ISG20: variants seen among roughly 807,000 people sequenced by gnomAD.
ISG20 encodes interferon stimulated exonuclease gene 20.
Under a neutral mutation model 11.1 loss-of-function variants are expected in ISG20, and 8 were observed. That is an observed-to-expected ratio of 0.72 (90% confidence interval 0.42 to 1.30). The LOEUF (loss-of-function observed/expected upper bound fraction) is 1.30, where lower values mean the gene tolerates loss of function less well. Among genes scored for constraint, ISG20 ranks in the 50% most tolerant of loss-of-function variants. The pLI is 0.01. For synonymous variants in ISG20, 110 were observed against 101.7 expected (o/e 1.08, Z -0.49); for missense variants, 243 against 250.2 (o/e 0.97, Z 0.19).
intron 2 of ISG20, among the ~76,000 whole-genome samples, chr15:88,640,770 C>A (rs1395514737): frequency 6.6e-6 from 1 of 151,792 alleles, no homozygotes; most frequent in Non-Finnish European, 1.5e-5. Flanking sequence ...TCAAGACCAT[C>A]CTGGGCAACA....
rs1393271103 is a variant in ISG20 at position 88,650,119 on chromosome 15, C to T, written c.229-1991C>T. 1.9e-5 allele frequency: 16 copies of T among 822,082 alleles called. No individual in the cohort carries two copies. Among genetic ancestry groups the T allele is most frequent in the African/African-American group, 5.0e-5 (3 of 59,580 alleles). The allele number at this position is 822,082 out of a possible 1,614,324, so 50.9% of individuals were successfully genotyped here. A position where few individuals can be genotyped will look rare whatever the true frequency, so the allele number is the denominator to read the frequency against. On this transcript the variant is annotated intron_variant, in intron 2 of 3. Transcript: ENST00000306072. The surrounding 1 kb of genome is among the most constrained non-coding windows in gnomAD (Gnocchi z 4.0). ...TCTTTCCTGGTGTACAGGCTAAGGT[C>T]GTGGGCTACATGCAGAGAAGGAGAC...
At chr15:88,649,150 C>G (rs2058229388) in intron 2 of ISG20, 1 of 152,306 alleles carries the variant, frequency 6.6e-6, no homozygotes, top group Admixed American at 6.5e-5. Flanking sequence ...CAGAGAGGGT[C>G]TTTGACATCC....
intron 3 of ISG20, among the ~76,000 whole-genome samples, chr15:88,654,412 C>T (rs1050803222): frequency 3.3e-5 from 5 of 152,150 alleles, no homozygotes; most frequent in South Asian, 2.1e-4. Flanking sequence ...TGAGCTGGGC[C>T]GTCTAACCAG....
At chr15:88,653,945 G>A (rs1163034265) in intron 3 of ISG20, among the ~76,000 whole-genome samples, 1 of 152,182 alleles carries the variant, frequency 6.6e-6, no homozygotes, top group Non-Finnish European at 1.5e-5. Flanking sequence ...GGAGGGTGCT[G>A]GGCACAGTTC....
chr15:88,645,530 A>G (rs375509564), intron 2 of ISG20, among the ~76,000 whole-genome samples: 16 of 152,092 alleles, frequency 1.1e-4, no homozygotes, highest in African/African-American at 3.6e-4. Flanking sequence ...CGCCTCCCCT[A>G]TTAAAATATC....
chr15:88,641,417 C>T (rs577352964), intron 2 of ISG20, among the ~76,000 whole-genome samples: 8 of 152,246 alleles, frequency 5.3e-5, no homozygotes, highest in Non-Finnish European at 8.8e-5. Flanking sequence ...TGTCCTGTCT[C>T]GGGGTTCTGG....
chr15:88,638,953 G>C, upstream of ISG20: 1 of 230,746 alleles, frequency 4.3e-6, no homozygotes, highest in Admixed American at 5.2e-5. Flanking sequence ...ACTAGAAACT[G>C]AAACAGGGTC....
intron 2 of ISG20, chr15:88,648,880 G>C (rs528782954): frequency 6.6e-6 from 1 of 152,298 alleles, no homozygotes; most frequent in Non-Finnish European, 1.5e-5. Flanking sequence ...GAATTTGAGA[G>C]ACTCCTCCCC....
Position 88,650,055 on chromosome 15 carries a change from A to T in ISG20, c.229-2055A>T. On this transcript the variant is annotated intron_variant, in intron 2 of 3. Transcript: ENST00000306072. The surrounding 1 kb of genome is among the most constrained non-coding windows in gnomAD (Gnocchi z 4.0). ...AGGAGGCCGCTGGCTATCTAGAAGG[A>T]GAAGCAGGCTACGGGGAAGGTGTTA... is the stretch of plus-strand genomic sequence containing the variant. The T allele has an allele frequency of 3.3e-6, 2 of 597,814 alleles. No homozygotes were observed. The highest frequency in any genetic ancestry group is 2.6e-4 in the Middle Eastern group (1 of 3,846). The allele number at this position is 597,814 out of a possible 1,614,324, so 37.0% of individuals were successfully genotyped here. A position where few individuals can be genotyped will look rare whatever the true frequency, so the allele number is the denominator to read the frequency against.
Position 88,650,502 on chromosome 15 carries a change from T to G in ISG20, c.229-1608T>G, listed in dbSNP as rs556619665. On this transcript the variant is annotated intron_variant, in intron 2 of 3. Transcript: ENST00000306072. This position sits in a 1 kb window ranked among gnomAD's most constrained non-coding sequence, Gnocchi z 4.0. Reference sequence around the variant, plus strand: ...ACTAGCCGTGTGACTGTCCCAGTTATCAAATGGTGCTTGGCAAATCACACC... The same window carrying G: ...ACTAGCCGTGTGACTGTCCCAGTTAGCAAATGGTGCTTGGCAAATCACACC... The G allele has an allele frequency of 7.2e-7, 1 of 1,391,764 alleles. No individual in the cohort carries two copies. Among genetic ancestry groups the G allele is most frequent in the Non-Finnish European group, 9.4e-7 (1 of 1,064,158 alleles). 86.2% of individuals were successfully genotyped at this position (1,391,764 alleles called of 1,614,324 possible).
rs1168773968 is a variant in ISG20 at position 88,656,335 on chromosome 15, C to T, written c.*804C>T. The T allele has an allele frequency of 2.6e-5, 4 of 152,130 alleles. No individual in the cohort carries two copies. The highest frequency in any genetic ancestry group is 5.9e-5 in the Non-Finnish European group (4 of 68,042). The allele number at this position is 152,130 out of a possible 1,614,324, so 9.4% of individuals were successfully genotyped here. On this transcript the variant is annotated 3_prime_UTR_variant, in exon 4 of 4. Coordinates refer to ENST00000306072, the MANE Select transcript of ISG20 (RefSeq NM_002201.6). ...AGTCACCGCACTCTGTTTCGGGGCT[C>T]GGCTCTCTGAGGGGAGGGCATCCTG... is the stretch of plus-strand genomic sequence containing the variant.
At position 88,639,657 on chromosome 15, in the gene ISG20, T is replaced by G; in HGVS notation, c.228+63T>G. 1 of 1,304,128 alleles carries G rather than the reference T, an allele frequency of 7.7e-7. No individual in the cohort carries two copies. Among genetic ancestry groups the G allele is most frequent in the South Asian group, 1.2e-5 (1 of 81,562 alleles). The allele number at this position is 1,304,128 out of a possible 1,614,324, so 80.8% of individuals were successfully genotyped here. ...ACCCCTCTCCCACTTCCCTGGCCCC[T>G]CTTCCCTGGTGCCCATCTGTGACCT... On this transcript the variant is annotated intron_variant, in intron 2 of 3. Transcript: ENST00000306072. This position sits in a 1 kb window ranked among gnomAD's most constrained non-coding sequence, Gnocchi z 4.2.
intron 2 of ISG20, among the ~76,000 whole-genome samples, chr15:88,646,665 C>T (rs1420606779): frequency 6.6e-6 from 1 of 152,312 alleles, no homozygotes; most frequent in Non-Finnish European, 1.5e-5. Flanking sequence ...GTGCTGAGGG[C>T]CCCCAAAGGG....
intron 2 of ISG20, among the ~76,000 whole-genome samples, chr15:88,640,239 G>A (rs920704493): frequency 2.6e-5 from 4 of 152,220 alleles, no homozygotes; most frequent in Admixed American, 6.5e-5. Flanking sequence ...AGAAGGGCAG[G>A]CGAGCTCGTC....
intron 2 of ISG20, among the ~76,000 whole-genome samples, chr15:88,645,772 C>A (rs1292785512): frequency 2.0e-5 from 3 of 152,156 alleles, no homozygotes; most frequent in Admixed American, 6.5e-5. Context: ...CCCACTCCTG[C>A]CCACCATCGC....
chr15:88,644,510 C>T (rs565150422), intron 2 of ISG20, among the ~76,000 whole-genome samples: 22 of 124,706 alleles, frequency 1.8e-4, no homozygotes, highest in African/African-American at 6.2e-4. Context: ...CCAGCCTGGG[C>T]GACAAAGTGA....
chr15:88,639,571 C>G lies in ISG20; in HGVS notation c.205C>G (p.Pro69Ala). 1 of 1,614,104 alleles carries G rather than the reference C, an allele frequency of 6.2e-7. No homozygotes were observed. ...CCCTCAGCACATGGTGGGGGCCACA[C>G]CATTTGCCGTGGCCAGGCTAGAGGT... Reference protein sequence around the residue: ...VTPQHMVGATPFAVARLEILQ... With the variant: ...VTPQHMVGATAFAVARLEILQ... Residue 69 changes from proline (P) to alanine (A), a missense_variant, in exon 2 of 4, where the codon CCA becomes GCA. Physicochemically the swap from Pro to Ala is conservative, Grantham distance 27. Transcript: ENST00000306072. This position sits in a 1 kb window ranked among gnomAD's most constrained non-coding sequence, Gnocchi z 4.2.
In ISG20 at chr15:88,653,490, T is replaced by A. The variant is rs1253714090; in HGVS notation, c.429+1180T>A. 3.3e-5 allele frequency among the ~76,000 whole-genome samples: 5 copies of A among 152,052 alleles called. No homozygotes were observed. In the East Asian group the frequency reaches 9.7e-4, roughly 30 times the overall value. ...GTCCGGAGTAGGGAACAGGGCTGAG[T>A]CTGGGCCTGTTAGCCTCAAGGCACA... On this transcript the variant is annotated intron_variant, in intron 3 of 3. Transcript: ENST00000306072.
rs2058047873 is a variant in ISG20 at position 88,639,599 on chromosome 15, G to A, written c.228+5G>A. 1 of 1,611,156 alleles carries A rather than the reference G, an allele frequency of 6.2e-7. No individual in the cohort carries two copies. Among genetic ancestry groups the A allele is most frequent in the South Asian group, 1.1e-5 (1 of 91,008 alleles). On this transcript the variant is annotated splice_donor_5th_base_variant and intron_variant, in intron 2 of 3. Coordinates refer to ENST00000306072, the MANE Select transcript of ISG20 (RefSeq NM_002201.6). The surrounding 1 kb of genome is among the most constrained non-coding windows in gnomAD (Gnocchi z 4.2). ...TTTGCCGTGGCCAGGCTAGAGGTGA[G>A]TGAAGGCCCGGCCAGCAGGGGCTTT...
Sources: allele counts gnomAD v4.1 joint callset (sites outside exome capture counted in the v4.1 genomes callset), GRCh38; gene constraint gnomAD v4.1.1; non-coding constraint Gnocchi (gnomAD v3.1); transcripts MANE v1.5; gene names NCBI Gene and HGNC (gene_info 2026-07-23, HGNC 2026-07-21).